TCP1: variants seen among roughly 807,000 people sequenced by gnomAD.
TCP1 encodes the protein t-complex 1.
A neutral mutation model predicts 54.7 loss-of-function variants in TCP1; 6 were observed. That is an observed-to-expected ratio of 0.11 (90% CI 0.06 to 0.22). TCP1 has a LOEUF of 0.22. TCP1 is among the 10% of genes least tolerant of loss of function. The pLI, the probability that TCP1 is intolerant of heterozygous loss-of-function variation, is 1.00. For missense variants in TCP1, 511 were observed against 678.2 expected, an observed-to-expected ratio of 0.75 and a Z score of 2.74; for synonymous variants, 225 against 229.7, an observed-to-expected ratio of 0.98 and a Z score of 0.19.
Position 159,785,414 on chromosome 6 carries a change from T to A in TCP1, c.460A>T (p.Thr154Ser). 1.2e-6 allele frequency: 2 copies of A among 1,612,876 alleles called. No individual in the cohort carries two copies. The highest frequency in any genetic ancestry group is 1.1e-5 in the South Asian group (1 of 91,038). The change falls in exon 5 of 12, where the codon ACA (threonine) becomes TCA (serine). Residue 154 changes from threonine to serine, a missense_variant. This residue lies in a region of TCP1 where 305 missense variants were observed against 352.8 expected (regional missense o/e 0.86). Coordinates refer to ENST00000321394, the MANE Select transcript of TCP1 (RefSeq NM_030752.3). ...CCAATGATTTTGGAAGACATGGATG[T>A]CTTAGCAGCATTAATCAGGCAATCT... ...GRDCLINAAK[T>S]SMSSKIIGIN...
rs745667014 is a variant in TCP1, at chr6:159,785,760, T to G, written c.377+140A>C. The G allele has an allele frequency of 1.1e-5, 9 of 836,986 alleles. No individual in the cohort carries two copies. The South Asian group carries it at 1.3e-4, about 12-fold the overall frequency. The allele number at this position is 836,986 out of a possible 1,614,324, so 51.8% of individuals were successfully genotyped here. A position where few individuals can be genotyped will look rare whatever the true frequency, so the allele number is the denominator to read the frequency against. On this transcript the variant is annotated intron_variant, in intron 4 of 11. Coordinates refer to ENST00000321394, the MANE Select transcript of TCP1 (RefSeq NM_030752.3). ...AAGATACTGGTCCAAGTTTTTAACT[T>G]CAAATATTACTACTTAAATGCTAAA...
In TCP1 at chr6:159,788,109, T is replaced by C. The variant is rs767620559; in HGVS notation, c.99A>G (p.Lys33=). ...CCAAGCCAACTGGACCAAGAGAACT[T>C]TTTACAATATTGGCAATCGAAGCTG... ...MAAASIANIV[K]SSLGPVGLDK... Residue 33 remains lysine (K), a synonymous_variant, in exon 2 of 12, where the codon AAA becomes AAG. Transcript: ENST00000321394. The C allele has an allele frequency of 2.5e-6, 4 of 1,614,126 alleles. No individual in the cohort carries two copies. Among genetic ancestry groups the C allele is most frequent in the Non-Finnish European group, 3.4e-6 (4 of 1,180,026 alleles).
intron 3 of TCP1, among the ~76,000 whole-genome samples, chr6:159,787,387 A>G (rs1780724930): frequency 6.6e-6 from 1 of 152,226 alleles, no homozygotes; most frequent in African/African-American, 2.4e-5. Flanking sequence ...CCATAAAAAA[A>G]TCTGTGTGAT....
chr6:159,786,155 G>A (rs1302092685), intron 3 of TCP1, 158 bp from the exon 4 acceptor site: 1 of 581,356 alleles, frequency 1.7e-6, no homozygotes, highest in Non-Finnish European at 3.0e-6. Context: ...GGAGAAGAAC[G>A]CTACAAAACA....
At chr6:159,784,199 G>C in intron 6 of TCP1, 132 bp from the exon 7 acceptor site, 1 of 1,078,454 alleles carries the variant, frequency 9.3e-7, no homozygotes, top group Non-Finnish European at 1.3e-6. Flanking sequence ...AAATTTTATG[G>C]CATTAAATGC....
intron 5 of TCP1, chr6:159,785,075 G>T: frequency 1.6e-6 from 1 of 611,608 alleles, no homozygotes; most frequent in Admixed American, 3.0e-5. Context: ...AAGGCAACAG[G>T]TAATTTCAAT....
chr6:159,778,546 A>AT lies in TCP1; in HGVS notation c.*498dup, dbSNP rs1364047607. On this transcript the variant is annotated 3_prime_UTR_variant, in exon 12 of 12. Coordinates refer to ENST00000321394, the MANE Select transcript of TCP1 (RefSeq NM_030752.3). ...TTATTCCTAAGCAGTTAAAATGAAA[A>AT]TTTGAGTTTGAAAGGGTAGCATGCT... 2 of 1,220,416 alleles carry AT rather than the reference A, an allele frequency of 1.6e-6. No individual in the cohort carries two copies. Among genetic ancestry groups the AT allele is most frequent in the African/African-American group, 3.0e-5 (2 of 65,938 alleles). 75.6% of individuals were successfully genotyped at this position (1,220,416 alleles called of 1,614,324 possible).
intron 1 of TCP1, 52 bp downstream of exon 1, chr6:159,789,353 G>T: frequency 5.6e-6 from 9 of 1,605,132 alleles, no homozygotes; most frequent in Non-Finnish European, 7.7e-6. Flanking sequence ...GGTCGCGGTG[G>T]GACTCGGCCC....
chr6:159,780,651 G>A (rs1780555253), intron 8 of TCP1, 85 bp from the exon 9 acceptor site: 13 of 1,505,140 alleles, frequency 8.6e-6, no homozygotes, highest in Non-Finnish European at 1.8e-6. Context: ...TGTGGTAAAA[G>A]TGCTATATTA....
chr6:159,779,302 T>C, intron 11 of TCP1, 41 bp from the exon 12 acceptor site: 1 of 1,535,164 alleles, frequency 6.5e-7, no homozygotes, highest in Non-Finnish European at 9.0e-7. Context: ...GCTTACAATT[T>C]CATTAGGTGG....
rs920951250 is a variant in TCP1, at chr6:159,784,721, T to C, written c.615A>G (p.Gln205=). The part of the protein sequence containing the change: ...VNILKAHGRS[Q]MESMLISGYA... ...AGCCACTGATGAGCATACTCTCCAT[T>C]TGACTTCTCCCATGGGCTTTCAAAA... The change falls in exon 6 of 12, where the codon CAA becomes CAG. Residue 205 remains glutamine, a synonymous_variant. Transcript: ENST00000321394. The C allele has an allele frequency of 3.7e-6, 6 of 1,614,230 alleles. No individual in the cohort carries two copies. Among genetic ancestry groups the C allele is most frequent in the Middle Eastern group, 1.7e-4 (1 of 6,060 alleles).
intron 5 of TCP1, chr6:159,785,170 C>T: frequency 1.6e-6 from 1 of 606,312 alleles, no homozygotes; most frequent in Non-Finnish European, 2.9e-6. Flanking sequence ...ACTGCTGCTA[C>T]TACGCACGCG....
rs574623250 is a variant in TCP1 at position 159,779,276 on chromosome 6, G to A, written c.1455-15C>T. 6.2e-7 allele frequency: 1 copy of A among 1,606,556 alleles called. No homozygotes were observed. Among genetic ancestry groups the A allele is most frequent in the South Asian group, 1.1e-5 (1 of 90,238 alleles). ...CAAGACCAATCCTGCAATTAAGAAAGAATTATTTAACGGCCGCTTACAATT... is the reference window on the plus strand; with the variant it reads ...CAAGACCAATCCTGCAATTAAGAAAAAATTATTTAACGGCCGCTTACAATT... On this transcript the variant is annotated splice_polypyrimidine_tract_variant and intron_variant, in intron 11 of 11. Transcript: ENST00000321394.
In TCP1 at chr6:159,778,505, TCA is replaced by T. The variant is rs1269491016; in HGVS notation, c.*538_*539del. 4 of 873,552 alleles carry T rather than the reference TCA, an allele frequency of 4.6e-6. No individual in the cohort carries two copies. Among genetic ancestry groups the T allele is most frequent in the Non-Finnish European group, 1.7e-6 (1 of 592,336 alleles). The allele number at this position is 873,552 out of a possible 1,614,324, so 54.1% of individuals were successfully genotyped here. A position where few individuals can be genotyped will look rare whatever the true frequency, so the allele number is the denominator to read the frequency against. ...AGGTAAGATAGGCAGGGATGAATTT[TCA>T]CAAAGGTGTAAATTTATTCCTAAGC... On this transcript the variant is annotated 3_prime_UTR_variant, in exon 12 of 12. Coordinates refer to ENST00000321394, the MANE Select transcript of TCP1 (RefSeq NM_030752.3).
chr6:159,780,624 T>A (rs1780554156), intron 8 of TCP1, 58 bp from the exon 9 acceptor site: 1 of 1,575,552 alleles, frequency 6.3e-7, no homozygotes, highest in African/African-American at 1.4e-5. Context: ...TTTAATATCC[T>A]TGGACTCAGT....
intron 7 of TCP1, among the ~76,000 whole-genome samples, chr6:159,783,258 G>A (rs1388273773): frequency 6.6e-6 from 1 of 152,064 alleles, no homozygotes; most frequent in Non-Finnish European, 1.5e-5. Flanking sequence ...TGGAAGAAAG[G>A]ACACTTTGTT....
In TCP1 at chr6:159,778,828, G is replaced by A. The variant is rs370500162; in HGVS notation, c.*217C>T. 1.4e-5 allele frequency: 23 copies of A among 1,614,018 alleles called. No homozygotes were observed. In the African/African-American group the frequency reaches 2.0e-4, roughly 14 times the overall value. On this transcript the variant is annotated 3_prime_UTR_variant, in exon 12 of 12. Coordinates refer to ENST00000321394, the MANE Select transcript of TCP1 (RefSeq NM_030752.3). ...ATAGCAATGTGTGTTCAGAGAGAAT[G>A]AATTGCTTAAACTTTGAACAACCTC...
chr6:159,786,120 G>A, intron 3 of TCP1, 123 bp from the exon 4 acceptor site: 1 of 710,326 alleles, frequency 1.4e-6, no homozygotes, highest in South Asian at 1.8e-5. Flanking sequence ...TGAATTAACT[G>A]GTTATTAGAA....
intron 9 of TCP1, 72 bp downstream of exon 9, chr6:159,780,371 T>G (rs539374525): frequency 6.2e-7 from 1 of 1,607,598 alleles, no homozygotes; most frequent in East Asian, 2.2e-5. Flanking sequence ...AAGCAGCAAA[T>G]AAATGGGAAG....
Sources: allele counts gnomAD v4.1 joint callset (sites outside exome capture counted in the v4.1 genomes callset), GRCh38; gene constraint gnomAD v4.1.1; regional missense constraint gnomAD v4.1.1; transcripts MANE v1.5; gene names NCBI Gene and HGNC (gene_info 2026-07-23, HGNC 2026-07-21).